Variants in ERC2 observed in about 807,000 individuals in gnomAD.
ERC2 encodes the protein ERC protein 2.
Under a neutral mutation model 114.8 loss-of-function variants are expected in ERC2, and 42 were observed. The ratio of observed to expected loss-of-function variants is 0.37; its 90% confidence interval spans 0.29 to 0.47. The LOEUF (loss-of-function observed/expected upper bound fraction) is 0.47, where lower values mean the gene tolerates loss of function less well. ERC2 is among the 20% of genes least tolerant of loss of function. The pLI is 0.99. For synonymous variants in ERC2, 454 were observed against 425.5 expected (o/e 1.07, Z -0.82); for missense variants, 939 against 1,150.7 (o/e 0.82, Z 2.66).
intron 2 of ERC2, among the ~76,000 whole-genome samples, chr3:56,385,732 A>G (rs771316767): frequency 3.3e-5 from 5 of 152,218 alleles, no homozygotes; most frequent in Non-Finnish European, 5.9e-5. Flanking sequence ...TTGGCTATTA[A>G]GACAATCCAT....
chr3:56,409,007 A>G (rs2060834677), intron 2 of ERC2, among the ~76,000 whole-genome samples: 3 of 152,324 alleles, frequency 2.0e-5, no homozygotes, highest in South Asian at 4.1e-4. Context: ...TCTTCTACCC[A>G]TGTTGTCATC....
intron 4 of ERC2, among the ~76,000 whole-genome samples, chr3:56,165,240 A>G (rs1301382590): frequency 1.4e-5 from 2 of 141,086 alleles, no homozygotes; most frequent in Non-Finnish European, 3.1e-5. Context: ...AACATATATT[A>G]TATATGTTCT....
intron 7 of ERC2, among the ~76,000 whole-genome samples, chr3:56,027,785 G>T (rs1395111504): frequency 6.6e-6 from 1 of 152,006 alleles, no homozygotes; most frequent in Non-Finnish European, 1.5e-5. Context: ...TTCTTAACAG[G>T]TCTTTCACAG....
chr3:56,322,361 C>A (rs183538347), intron 2 of ERC2, among the ~76,000 whole-genome samples: 1 of 152,164 alleles, frequency 6.6e-6, no homozygotes, highest in Non-Finnish European at 1.5e-5. Flanking sequence ...GATTTTGCCA[C>A]CACTTGCATC....
intron 17 of ERC2, among the ~76,000 whole-genome samples, chr3:55,648,019 G>T (rs1021682614): frequency 6.6e-6 from 1 of 152,228 alleles, no homozygotes; most frequent in African/African-American, 2.4e-5. Context: ...CCAGCGGGGG[G>T]TGGTGGTGGA....
chr3:56,238,631 C>T (rs1356031307), intron 3 of ERC2, among the ~76,000 whole-genome samples: 1 of 152,206 alleles, frequency 6.6e-6, no homozygotes, highest in Non-Finnish European at 1.5e-5. Context: ...GGAGAGAAGG[C>T]AGGCATAGCT....
intron 12 of ERC2, among the ~76,000 whole-genome samples, chr3:55,967,698 G>A (rs910991601): frequency 6.6e-6 from 1 of 152,180 alleles, no homozygotes; most frequent in Non-Finnish European, 1.5e-5. Flanking sequence ...GATCGCCTAT[G>A]CAGCAATGCT....
chr3:56,409,289 A>T (rs1193993114), intron 2 of ERC2, among the ~76,000 whole-genome samples: 1 of 152,118 alleles, frequency 6.6e-6, no homozygotes, highest in South Asian at 2.1e-4. Flanking sequence ...TTTATATTTA[A>T]AAAAATATAA....
At chr3:56,008,586 T>C (rs2072680503) in intron 9 of ERC2, among the ~76,000 whole-genome samples, 1 of 152,192 alleles carries the variant, frequency 6.6e-6, no homozygotes, top group Non-Finnish European at 1.5e-5. Flanking sequence ...TGTTTTCCTT[T>C]ATAAATTTTA....
At chr3:56,000,765 G>A (rs2071983264) in intron 10 of ERC2, among the ~76,000 whole-genome samples, 2 of 151,848 alleles carry the variant, frequency 1.3e-5, no homozygotes, top group South Asian at 4.2e-4. Context: ...CACTGGCACA[G>A]GAAGGAGGCA....
At chr3:56,112,374 T>C (rs538012192) in intron 6 of ERC2, among the ~76,000 whole-genome samples, 3 of 150,592 alleles carry the variant, frequency 2.0e-5, no homozygotes, top group Non-Finnish European at 3.0e-5. Context: ...AATTAAGTAA[T>C]CCTGGGCCAT....
intron 17 of ERC2, among the ~76,000 whole-genome samples, chr3:55,644,210 A>C (rs1348324088): frequency 1.3e-5 from 2 of 152,188 alleles, no homozygotes; most frequent in African/African-American, 4.8e-5. Context: ...TGAGAATAAT[A>C]ATAATAGTCG....
At chr3:55,967,646 G>C (rs1312374865) in intron 12 of ERC2, among the ~76,000 whole-genome samples, 1 of 152,208 alleles carries the variant, frequency 6.6e-6, no homozygotes, top group Non-Finnish European at 1.5e-5. Context: ...TTTATCTGCT[G>C]TGGTTTAAAT....
intron 17 of ERC2, among the ~76,000 whole-genome samples, chr3:55,529,218 AC>A (rs2053520291): frequency 1.3e-5 from 2 of 152,178 alleles, no homozygotes; most frequent in African/African-American, 4.8e-5. Context: ...ACCATCATAA[AC>A]ATTTAATTAT....
chr3:55,904,508 G>T (rs1345042136), intron 13 of ERC2, among the ~76,000 whole-genome samples: 1 of 152,162 alleles, frequency 6.6e-6, no homozygotes, highest in East Asian at 1.9e-4. Flanking sequence ...CATCAAAATT[G>T]TTTCTTCCCT....
At chr3:55,851,569 C>A (rs1004039068) in intron 14 of ERC2, among the ~76,000 whole-genome samples, 2 of 152,106 alleles carry the variant, frequency 1.3e-5, no homozygotes, top group Non-Finnish European at 2.9e-5. Flanking sequence ...TTATGTGAGG[C>A]ATGTTAATAA....
chr3:55,720,489 T>G (rs2064478180), intron 15 of ERC2, among the ~76,000 whole-genome samples: 1 of 151,640 alleles, frequency 6.6e-6, no homozygotes, highest in Admixed American at 6.6e-5. Flanking sequence ...CTCACTATGT[T>G]GGCCAGGCTG....
chr3:56,388,478 C>A (rs982884512), intron 2 of ERC2, among the ~76,000 whole-genome samples: 5 of 152,088 alleles, frequency 3.3e-5, no homozygotes, highest in Non-Finnish European at 1.5e-5. Flanking sequence ...TTGTACAACC[C>A]GTGGAACAAT....
chr3:55,753,799 A>C (rs920865463), intron 14 of ERC2, among the ~76,000 whole-genome samples: 1 of 152,240 alleles, frequency 6.6e-6, no homozygotes, highest in Non-Finnish European at 1.5e-5. Context: ...AAATAAACTT[A>C]AACAATGATC....
Sources: allele counts gnomAD v4.1 joint callset (sites outside exome capture counted in the v4.1 genomes callset), GRCh38; gene constraint gnomAD v4.1.1; transcripts MANE v1.5; gene names NCBI Gene and HGNC (gene_info 2026-07-23, HGNC 2026-07-21).